The following MACROD2 variants were observed in gnomAD, a reference collection of about 807,000 sequenced individuals.
The protein encoded by MACROD2 is ADP-ribose glycohydrolase MACROD2.
Under a neutral mutation model 70.4 loss-of-function variants are expected in MACROD2, and 36 were observed. The observed-to-expected ratio is 0.51, with a 90% CI of 0.39 to 0.68. The LOEUF is 0.68. Among genes scored for constraint, MACROD2 ranks in the 30% least tolerant of loss-of-function variants. MACROD2 has a pLI of 0.00. For synonymous variants in MACROD2, 172 were observed against 178.8 expected, an observed-to-expected ratio of 0.96 and a Z score of 0.30; for missense variants, 496 against 538.4, an observed-to-expected ratio of 0.92 and a Z score of 0.78.
intron 8 of MACROD2, 22 bp from the exon 9 acceptor site, chr20:15,862,723 G>A (rs964688804): frequency 7.5e-6 from 12 of 1,589,492 alleles, no homozygotes; most frequent in Non-Finnish European, 1.0e-5. Flanking sequence ...TTCACTTTGA[G>A]TGTTTTATCT....
intron 8 of MACROD2, among the ~76,000 whole-genome samples, chr20:15,725,630 G>T (rs1256209555): frequency 6.6e-6 from 1 of 152,052 alleles, no homozygotes; most frequent in Non-Finnish European, 1.5e-5. Flanking sequence ...AAAAGCAGTG[G>T]TAAGAGGGAA....
At chr20:14,707,760 C>G (rs1400181095) in intron 5 of MACROD2, among the ~76,000 whole-genome samples, 1 of 151,944 alleles carries the variant, frequency 6.6e-6, no homozygotes. Context: ...AATCCTGGGC[C>G]CAAAGAAGGA....
intron 3 of MACROD2, among the ~76,000 whole-genome samples, chr20:14,238,602 A>G (rs550967320): frequency 1.1e-4 from 17 of 152,320 alleles, no homozygotes; most frequent in African/African-American, 4.1e-4. Context: ...ACATTGGAAG[A>G]GAGGATGTCA....
intron 5 of MACROD2, among the ~76,000 whole-genome samples, chr20:14,882,952 A>G (rs1220039052): frequency 6.6e-6 from 1 of 152,168 alleles, no homozygotes; most frequent in Non-Finnish European, 1.5e-5. Flanking sequence ...ATAAGCCATA[A>G]AAGTGGTGAG....
chr20:14,083,880 ACCAACCCCGT>A (rs1388296260), intron 2 of MACROD2, among the ~76,000 whole-genome samples: 1 of 151,374 alleles, frequency 6.6e-6, no homozygotes, highest in Non-Finnish European at 1.5e-5. Context: ...GGAGATGGAG[ACCAACCCCGT>A]CTCTACTAAA....
At chr20:15,182,802 G>C (rs2076509503) in intron 5 of MACROD2, among the ~76,000 whole-genome samples, 1 of 152,056 alleles carries the variant, frequency 6.6e-6, no homozygotes, top group Non-Finnish European at 1.5e-5. Flanking sequence ...CTGACATGGA[G>C]GTACTCTATT....
chr20:14,593,484 C>T lies in MACROD2; in HGVS notation c.302-91359C>T, dbSNP rs75730918. 3.3e-5 allele frequency among the ~76,000 whole-genome samples: 5 copies of T among 152,234 alleles called. No individual in the cohort carries two copies. The East Asian group carries it at 9.6e-4, about 29-fold the overall frequency. On this transcript the variant is annotated intron_variant, in intron 4 of 17. Coordinates refer to ENST00000684519, the MANE Select transcript of MACROD2 (RefSeq NM_001351661.2). The stretch of plus-strand genomic sequence containing the variant: ...AACAGCTTTGTGGTGGCAAAACAAA[C>T]GTGCTTTGGGAAAGCTAAGAATAAC...
At chr20:14,512,263 T>C (rs906533003) in intron 4 of MACROD2, among the ~76,000 whole-genome samples, 5 of 152,176 alleles carry the variant, frequency 3.3e-5, no homozygotes, top group Non-Finnish European at 7.4e-5. Context: ...CGGGTGGTCC[T>C]GTTTCTTAGC....
At chr20:14,035,495 T>G (rs1006866806) in intron 2 of MACROD2, among the ~76,000 whole-genome samples, 9 of 152,208 alleles carry the variant, frequency 5.9e-5, no homozygotes, top group Admixed American at 2.0e-4. Flanking sequence ...ATTATTAATC[T>G]GTAATGTAAA....
chr20:14,024,789 G>C (rs1221092662), intron 2 of MACROD2, among the ~76,000 whole-genome samples: 1 of 152,154 alleles, frequency 6.6e-6, no homozygotes, highest in East Asian at 1.9e-4. Context: ...CTTTATTGAG[G>C]ATTATCACAT....
intron 5 of MACROD2, among the ~76,000 whole-genome samples, chr20:15,124,843 T>G (rs998762656): frequency 2.6e-5 from 4 of 152,060 alleles, no homozygotes; most frequent in African/African-American, 9.7e-5. Context: ...CTATGTATAT[T>G]CTGATTTCTT....
chr20:14,848,542 A>T (rs2073166401), intron 5 of MACROD2, among the ~76,000 whole-genome samples: 1 of 152,130 alleles, frequency 6.6e-6, no homozygotes, highest in South Asian at 2.1e-4. Flanking sequence ...GAGCAAGTGC[A>T]TGACAAGTAA....
intron 5 of MACROD2, among the ~76,000 whole-genome samples, chr20:14,693,857 G>A (rs1001903141): frequency 6.6e-6 from 1 of 152,110 alleles, no homozygotes; most frequent in South Asian, 2.1e-4. Context: ...AGCCATATAC[G>A]CAGAACCGCT....
intron 5 of MACROD2, among the ~76,000 whole-genome samples, chr20:14,916,851 C>A (rs1159825925): frequency 1.3e-5 from 2 of 152,082 alleles, no homozygotes; most frequent in Non-Finnish European, 2.9e-5. Flanking sequence ...CCATACTGAA[C>A]CTCAGCGGAG....
chr20:15,347,381 T>C (rs1467427569), intron 6 of MACROD2, among the ~76,000 whole-genome samples: 1 of 152,206 alleles, frequency 6.6e-6, no homozygotes, highest in African/African-American at 2.4e-5. Flanking sequence ...ACTCACTATA[T>C]AGGCCACTGG....
At chr20:15,649,206 CCTTCTTTCTTTCT>C (rs1376911837) in intron 8 of MACROD2, among the ~76,000 whole-genome samples, 4 of 56,644 alleles carry the variant, frequency 7.1e-5, no homozygotes, top group African/African-American at 2.6e-4. Context: ...TTCTTTCTTT[CCTTCTTTCTTTCT>C]TTCTTTCTTT....
rs574824570 is a variant in MACROD2, at chr20:14,293,594, A to C, written c.272-199885A>C. On this transcript the variant is annotated intron_variant, in intron 3 of 17. Transcript: ENST00000684519. ...GCGGGCTGGGGAGTGGTAAGGTGTG[A>C]GTTCAGAGAGGTGAGCAGGGACTGC... Among the ~76,000 whole-genome samples, 7 of 151,936 alleles carry C rather than the reference A, an allele frequency of 4.6e-5. No homozygotes were observed. The East Asian group carries it at 1.4e-3, about 29-fold the overall frequency.
chr20:14,099,017 C>T (rs369959036), intron 3 of MACROD2, among the ~76,000 whole-genome samples: 56 of 152,298 alleles, frequency 3.7e-4, no homozygotes, highest in African/African-American at 8.7e-4. Flanking sequence ...TGGTGGCTCA[C>T]GCCTGTAATC....
chr20:14,658,074 A>T (rs1986059412), intron 4 of MACROD2, among the ~76,000 whole-genome samples: 1 of 152,036 alleles, frequency 6.6e-6, no homozygotes, highest in Non-Finnish European at 1.5e-5. Flanking sequence ...AAAGTAAATT[A>T]TCTATTTTGC....
Sources: gnomAD v4.1 joint callset for allele counts (sites outside exome capture counted in the v4.1 genomes callset) on GRCh38, gnomAD v4.1.1 for gene constraint, MANE v1.5 for transcripts, NCBI Gene and HGNC (gene_info 2026-07-23, HGNC 2026-07-21) for gene names.